The following MYO1D variants were observed in gnomAD, a reference collection of about 807,000 sequenced individuals.
MYO1D encodes myosin ID, also known as unconventional myosin-Id.
A neutral mutation model predicts 122.0 loss-of-function variants in MYO1D; 83 were observed. The ratio of observed to expected loss-of-function variants is 0.68; its 90% confidence interval spans 0.57 to 0.82. The LOEUF is 0.82. Among genes scored for constraint, MYO1D ranks in the 40% least tolerant of loss-of-function variants. The pLI is 0.00. For synonymous variants in MYO1D, 464 were observed against 446.9 expected (o/e 1.04, Z -0.48); for missense variants, 1,157 against 1,269.5 (o/e 0.91, Z 1.35).
intron 16 of MYO1D, among the ~76,000 whole-genome samples, chr17:32,703,918 T>C (rs2089277312): frequency 6.6e-6 from 1 of 152,158 alleles, no homozygotes. Context: ...AGATGAATGA[T>C]AAATCCCAAA....
chr17:32,859,153 A>G (rs2091049912), intron 1 of MYO1D, among the ~76,000 whole-genome samples: 1 of 152,236 alleles, frequency 6.6e-6, no homozygotes, highest in Non-Finnish European at 1.5e-5. Flanking sequence ...ATATAGGTGC[A>G]TACGCATTCA....
intron 21 of MYO1D, among the ~76,000 whole-genome samples, chr17:32,543,728 T>C (rs1910926658): frequency 1.3e-5 from 2 of 152,192 alleles, no homozygotes; most frequent in African/African-American, 4.8e-5. Flanking sequence ...ACAGATCTTG[T>C]AGCCCTAAGA....
At chr17:32,739,593 T>C (rs6505310) in intron 13 of MYO1D, among the ~76,000 whole-genome samples, 65,796 of 151,532 alleles carry the variant, frequency 0.43, 14,844 homozygotes, top group East Asian at 0.73. Context: ...TATACATATG[T>C]AACAAACCTG....
At chr17:32,860,798 C>T (rs1598162335) in intron 1 of MYO1D, among the ~76,000 whole-genome samples, 1 of 152,162 alleles carries the variant, frequency 6.6e-6, no homozygotes, top group Non-Finnish European at 1.5e-5. Flanking sequence ...CTTCATGCAT[C>T]TATACAACAG....
intron 16 of MYO1D, among the ~76,000 whole-genome samples, chr17:32,677,570 T>C (rs996841611): frequency 1.5e-5 from 2 of 136,184 alleles, no homozygotes; most frequent in African/African-American, 2.8e-5. Flanking sequence ...AGGGGATATA[T>C]AGATAGATAA....
At chr17:32,610,682 C>T (rs1182094875) in intron 20 of MYO1D, among the ~76,000 whole-genome samples, 1 of 151,900 alleles carries the variant, frequency 6.6e-6, no homozygotes, top group African/African-American at 2.4e-5. Flanking sequence ...AGTAAATAAG[C>T]AAAAAAACCC....
intron 20 of MYO1D, among the ~76,000 whole-genome samples, chr17:32,625,974 G>A (rs556547230): frequency 8.5e-5 from 13 of 152,222 alleles, no homozygotes; most frequent in Non-Finnish European, 1.5e-4. Flanking sequence ...TCCATTCTTG[G>A]TGAGCTTTGT....
intron 1 of MYO1D, among the ~76,000 whole-genome samples, chr17:32,821,622 C>T (rs2090666005): frequency 6.6e-6 from 1 of 151,896 alleles, no homozygotes; most frequent in African/African-American, 2.4e-5. Flanking sequence ...TATATTTGAA[C>T]TGAATTTCCA....
chr17:32,802,480 T>C (rs1333701692), intron 1 of MYO1D, among the ~76,000 whole-genome samples: 2 of 152,222 alleles, frequency 1.3e-5, no homozygotes, highest in Non-Finnish European at 2.9e-5. Context: ...AAATTTTCCC[T>C]TTCTCAAATT....
intron 13 of MYO1D, among the ~76,000 whole-genome samples, chr17:32,743,700 C>T (rs929739474): frequency 5.3e-5 from 8 of 151,968 alleles, no homozygotes; most frequent in Non-Finnish European, 8.8e-5. Flanking sequence ...TCACTGCAAG[C>T]TCCGCCTCCC....
Position 32,523,101 on chromosome 17 carries a change from A to C in MYO1D, c.2865-28186T>G, listed in dbSNP as rs191544422. Among the ~76,000 whole-genome samples the C allele has an allele frequency of 1.4e-3, 208 of 152,214 alleles. 1 individual carries two copies. The highest frequency in any genetic ancestry group is 6.8e-3 in the South Asian group (33 of 4,818). ...AAGTGCTGGGATTACAGGCGTGAGC[A>C]ACCACGCCTGGCCCCCCATGCCTCT... is the stretch of plus-strand genomic sequence containing the variant. On this transcript the variant is annotated intron_variant, in intron 21 of 21. Transcript: ENST00000318217.
At chr17:32,799,930 C>T (rs1037404376) in intron 1 of MYO1D, among the ~76,000 whole-genome samples, 6 of 152,100 alleles carry the variant, frequency 3.9e-5, no homozygotes. Flanking sequence ...GTGACCAATA[C>T]ATATGAAAAA....
At chr17:32,718,283 T>C (rs1292762784) in intron 15 of MYO1D, among the ~76,000 whole-genome samples, 1 of 152,182 alleles carries the variant, frequency 6.6e-6, no homozygotes, top group Non-Finnish European at 1.5e-5. Context: ...CCATTCTGCT[T>C]TCTAGTCTGC....
intron 20 of MYO1D, among the ~76,000 whole-genome samples, chr17:32,618,057 A>G (rs2087799443): frequency 6.6e-6 from 1 of 152,196 alleles, no homozygotes; most frequent in East Asian, 1.9e-4. Flanking sequence ...CAGGGCTACT[A>G]GGCTCTCTGT....
At chr17:32,597,036 T>C (rs1352624104) in intron 21 of MYO1D, among the ~76,000 whole-genome samples, 1 of 152,186 alleles carries the variant, frequency 6.6e-6, no homozygotes, top group Non-Finnish European at 1.5e-5. Context: ...AACAAGACCA[T>C]ACAGAAAGAT....
chr17:32,608,653 T>C (rs1395780754), intron 20 of MYO1D, among the ~76,000 whole-genome samples: 1 of 152,188 alleles, frequency 6.6e-6, no homozygotes, highest in Non-Finnish European at 1.5e-5. Context: ...CCTAGGCACA[T>C]ATCCTAGAGA....
intron 21 of MYO1D, among the ~76,000 whole-genome samples, chr17:32,603,608 C>T (rs1361270512): frequency 6.8e-6 from 1 of 147,940 alleles, no homozygotes; most frequent in African/African-American, 2.5e-5. Flanking sequence ...TCACAGCAAG[C>T]TCCGCCTCCC....
intron 8 of MYO1D, among the ~76,000 whole-genome samples, chr17:32,761,211 C>T (rs1189617328): frequency 2.6e-5 from 4 of 152,096 alleles, no homozygotes; most frequent in South Asian, 2.1e-4. Context: ...TGCTCTGCAA[C>T]GTCACATCGT....
chr17:32,653,755 T>G (rs878895512), intron 19 of MYO1D, 88 bp downstream of exon 19: 1 of 1,094,248 alleles, frequency 9.1e-7, no homozygotes, highest in South Asian at 1.3e-5. Context: ...ATGTACCTAC[T>G]GTTATGTTTT....
Sources: allele counts gnomAD v4.1 joint callset (sites outside exome capture counted in the v4.1 genomes callset), GRCh38; gene constraint gnomAD v4.1.1; transcripts MANE v1.5; gene names NCBI Gene and HGNC (gene_info 2026-07-23, HGNC 2026-07-21).